GPN1: variants seen among roughly 807,000 people sequenced by gnomAD.
The protein encoded by GPN1 is ATP(GTP)-binding protein.
Under a neutral mutation model 55.9 loss-of-function variants are expected in GPN1, and 44 were observed. That is an observed-to-expected ratio of 0.79 (90% confidence interval 0.62 to 1.01). The LOEUF (loss-of-function observed/expected upper bound fraction) is 1.01, where lower values mean the gene tolerates loss of function less well. GPN1 is among the 50% of genes least tolerant of loss of function. The pLI, the probability that GPN1 is intolerant of heterozygous loss-of-function variation, is 0.00. For synonymous variants in GPN1, 179 were observed against 162.5 expected (o/e 1.10, Z -0.77); for missense variants, 466 against 462.8 (o/e 1.01, Z -0.06).
chr2:27,633,121 T>A (rs575258880), intron 5 of GPN1, among the ~76,000 whole-genome samples: 26 of 152,326 alleles, frequency 1.7e-4, no homozygotes, highest in East Asian at 9.6e-4. Flanking sequence ...TTACTTTTTT[T>A]AAAAAAGATA....
At chr2:27,628,910 G>C (rs1300158588), upstream of GPN1, 1 of 1,482,434 alleles carries the variant, frequency 6.7e-7, no homozygotes, top group Non-Finnish European at 9.0e-7. Flanking sequence ...AGCCCTGCCC[G>C]ACGCTAAGAA....
At position 27,635,815 on chromosome 2, in the gene GPN1, C is replaced by CGA. The variant is rs144683008; in HGVS notation, c.524+594_524+595dup. On this transcript the variant is annotated intron_variant, in intron 7 of 13. Coordinates refer to ENST00000610189, the MANE Select transcript of GPN1 (RefSeq NM_007266.4). ...TTGGGGCAACAAGAGCCTGGGGCAA[C>CGA]GAGAGAGAGAGAGAAGAATAGAGTC... Among the ~76,000 whole-genome samples the CGA allele has an allele frequency of 4.6e-5, 7 of 151,238 alleles. No individual in the cohort carries two copies. In the South Asian group the frequency reaches 1.0e-3, roughly 23 times the overall value.
Position 27,650,311 on chromosome 2 carries a change from CAG to C in GPN1, c.*114_*115del. 1 of 598,152 alleles carries C rather than the reference CAG, an allele frequency of 1.7e-6. No individual in the cohort carries two copies. Among genetic ancestry groups the C allele is most frequent in the Non-Finnish European group, 3.0e-6 (1 of 335,508 alleles). 37.1% of individuals were successfully genotyped at this position (598,152 alleles called of 1,614,324 possible). Reference sequence around the variant, plus strand: ...GGCTCCCATAAGGGATAATTTTCCTCAGAGTAGCAAAGTTTCTCTTATTAGAG... The same window carrying C: ...GGCTCCCATAAGGGATAATTTTCCTCAGTAGCAAAGTTTCTCTTATTAGAG... On this transcript the variant is annotated 3_prime_UTR_variant, in exon 14 of 14. Transcript: ENST00000610189.
intron 3 of GPN1, chr2:27,631,483 A>G (rs1187023730): frequency 1.2e-5 from 5 of 432,698 alleles, no homozygotes; most frequent in Non-Finnish European, 2.1e-5. Flanking sequence ...AAGACTAATC[A>G]TAATCAGCAG....
At chr2:27,644,722 T>TG (rs1674134371) in intron 12 of GPN1, among the ~76,000 whole-genome samples, 1 of 143,578 alleles carries the variant, frequency 7.0e-6, no homozygotes, top group African/African-American at 2.7e-5. Context: ...TTTTTGGTAG[T>TG]GTTTTTTTTT....
chr2:27,634,656 A>T (rs1673664435), intron 5 of GPN1, among the ~76,000 whole-genome samples, 190 bp from the exon 6 acceptor site: 3 of 152,256 alleles, frequency 2.0e-5, no homozygotes, highest in Admixed American at 2.0e-4. Flanking sequence ...CATTGGCGTG[A>T]ATATTGGTCA....
At chr2:27,628,875 C>T (rs1673401695), upstream of GPN1, 16 of 1,464,768 alleles carry the variant, frequency 1.1e-5, no homozygotes, top group Non-Finnish European at 1.4e-5. Flanking sequence ...CCCACTTCCT[C>T]GCCACTGTCA....
chr2:27,628,313 G>C, upstream of GPN1: 1 of 1,320,990 alleles, frequency 7.6e-7, no homozygotes, highest in Non-Finnish European at 1.0e-6. Context: ...AATTTTCTAG[G>C]CTCTTTCATC....
upstream of GPN1, chr2:27,628,607 C>G (rs950267259): frequency 6.4e-7 from 1 of 1,551,460 alleles, no homozygotes; most frequent in African/African-American, 1.4e-5. Context: ...GCTCCAGTCC[C>G]GGCTGGTCCA....
chr2:27,642,954 T>TGTACACACACACAC (rs1674024285), intron 12 of GPN1, among the ~76,000 whole-genome samples: 1 of 46,750 alleles, frequency 2.1e-5, no homozygotes, highest in Admixed American at 1.7e-4. Flanking sequence ...TATATATATA[T>TGTACACACACACAC]ATATACACAC....
chr2:27,632,922 T>A (rs1383590656), intron 5 of GPN1, among the ~76,000 whole-genome samples: 1 of 152,232 alleles, frequency 6.6e-6, no homozygotes, highest in Non-Finnish European at 1.5e-5. Context: ...TTTGTCCCAA[T>A]TCAGTTGTCC....
At chr2:27,628,466 G>A (rs1286441253), upstream of GPN1, 3 of 1,551,510 alleles carry the variant, frequency 1.9e-6, no homozygotes, top group African/African-American at 1.4e-5. Context: ...GCCAAGGAAT[G>A]AGCGCTAGCA....
chr2:27,646,405 G>T (rs1244320937), intron 12 of GPN1, among the ~76,000 whole-genome samples: 1 of 152,166 alleles, frequency 6.6e-6, no homozygotes, highest in Non-Finnish European at 1.5e-5. Flanking sequence ...GGATTTTCTG[G>T]ACCGTTACAT....
Position 27,638,241 on chromosome 2 carries a change from G to A in GPN1, c.556G>A (p.Val186Met). 1.3e-6 allele frequency: 2 copies of A among 1,564,834 alleles called. No homozygotes were observed. The highest frequency in any genetic ancestry group is 1.1e-5 in the South Asian group (1 of 90,004). The change falls in exon 8 of 14, where the codon GTG becomes ATG. Residue 186 changes from valine (V) to methionine (M), a missense_variant. Transcript: ENST00000610189. ...ATACAAAACCAAGCTGCCTTTCATT[G>A]TGGTCATGAATAAAGTAAGTGTATT... Reference protein sequence around the residue: ...ILYKTKLPFIVVMNKTDIIDH... With the variant: ...ILYKTKLPFIMVMNKTDIIDH...
intron 13 of GPN1, among the ~76,000 whole-genome samples, chr2:27,649,694 A>G (rs1466358534): frequency 6.6e-6 from 1 of 151,960 alleles, no homozygotes; most frequent in South Asian, 2.1e-4. Flanking sequence ...TGTTGCATGT[A>G]TCAGTATGTT....
Position 27,638,263 on chromosome 2 carries a change from T to C in GPN1, c.570+8T>C, listed in dbSNP as rs773816404. On this transcript the variant is annotated splice_region_variant and intron_variant, in intron 8 of 13. Coordinates refer to ENST00000610189, the MANE Select transcript of GPN1 (RefSeq NM_007266.4). The stretch of plus-strand genomic sequence containing the variant: ...ATTGTGGTCATGAATAAAGTAAGTG[T>C]ATTCTTCCTGTTGTGATTCACCATT... 293 of 1,498,032 alleles carry C rather than the reference T, an allele frequency of 2.0e-4. No individual in the cohort carries two copies. The highest frequency in any genetic ancestry group is 2.6e-4 in the Non-Finnish European group (282 of 1,074,398). The allele number at this position is 1,498,032 out of a possible 1,614,324, so 92.8% of individuals were successfully genotyped here.
chr2:27,643,962 T>C lies in GPN1; in HGVS notation c.931+1443T>C, dbSNP rs938870597. Among the ~76,000 whole-genome samples the C allele has an allele frequency of 2.0e-5, 3 of 152,170 alleles. No individual in the cohort carries two copies. The highest frequency in any genetic ancestry group is 2.0e-4 in the Admixed American group (3 of 15,274). ...GGGAGGCCGAGGCGGGTGGATCACT[T>C]GAGGTCAGGAATTCGAGACCAGCCT... On this transcript the variant is annotated intron_variant, in intron 12 of 13. Coordinates refer to ENST00000610189, the MANE Select transcript of GPN1 (RefSeq NM_007266.4). The surrounding 1 kb of genome is among the most constrained non-coding windows in gnomAD (Gnocchi z 4.0).
rs1296166554 is a variant in GPN1 at position 27,642,302 on chromosome 2, TC to T, written c.841-124del. The T allele has an allele frequency of 6.2e-6, 4 of 648,312 alleles. No individual in the cohort carries two copies. The African/African-American group carries it at 7.4e-5, about 12-fold the overall frequency. The allele number at this position is 648,312 out of a possible 1,614,324, so 40.2% of individuals were successfully genotyped here. ...AGTGTTTCTGTCCCTATACCAGACG[TC>T]CCTTATCTGCATCAGTTTTTATGTA... On this transcript the variant is annotated intron_variant, in intron 11 of 13. Coordinates refer to ENST00000610189, the MANE Select transcript of GPN1 (RefSeq NM_007266.4).
rs999115609 is a variant in GPN1, at chr2:27,643,243, T to A, written c.931+724T>A. Among the ~76,000 whole-genome samples, 6 of 151,390 alleles carry A rather than the reference T, an allele frequency of 4.0e-5. No homozygotes were observed. Among genetic ancestry groups the A allele is most frequent in the South Asian group, 4.1e-4 (2 of 4,824 alleles). The stretch of plus-strand genomic sequence containing the variant: ...GACCTTAATTTCAGATTTACAGAAG[T>A]TACATGAATAATACAAATAATTGCC... On this transcript the variant is annotated intron_variant, in intron 12 of 13. Transcript: ENST00000610189. The surrounding 1 kb of genome is among the most constrained non-coding windows in gnomAD (Gnocchi z 4.0).
Sources: gnomAD v4.1 joint callset for allele counts (sites outside exome capture counted in the v4.1 genomes callset) on GRCh38, gnomAD v4.1.1 for gene constraint, Gnocchi (gnomAD v3.1) non-coding constraint, MANE v1.5 for transcripts, NCBI Gene and HGNC (gene_info 2026-07-23, HGNC 2026-07-21) for gene names.